Variants in LRRTM4 observed in about 807,000 individuals in gnomAD.
LRRTM4 encodes the protein leucine rich repeat transmembrane neuronal 4.
Under a neutral mutation model 47.6 loss-of-function variants are expected in LRRTM4, and 25 were observed. The observed-to-expected ratio is 0.53, with a 90% CI of 0.38 to 0.73. The LOEUF (loss-of-function observed/expected upper bound fraction) is 0.73, where lower values mean the gene tolerates loss of function less well. LRRTM4 is among the 30% of genes least tolerant of loss of function. LRRTM4 has a pLI of 0.00. For synonymous variants in LRRTM4, 311 were observed against 269.5 expected (o/e 1.15, Z -1.51); for missense variants, 638 against 713.4 (o/e 0.89, Z 1.20).
intron 3 of LRRTM4, among the ~76,000 whole-genome samples, chr2:77,440,010 T>C (rs780381851): frequency 2.0e-5 from 3 of 152,214 alleles, no homozygotes; most frequent in Non-Finnish European, 4.4e-5. Flanking sequence ...ATCTGTCTTA[T>C]CAAATAATTA....
intron 3 of LRRTM4, among the ~76,000 whole-genome samples, chr2:77,043,145 T>A (rs146914896): frequency 6.6e-6 from 1 of 151,794 alleles, no homozygotes; most frequent in Admixed American, 6.6e-5. Context: ...TTGTCTTTTG[T>A]ACGTATCTTT....
intron 3 of LRRTM4, among the ~76,000 whole-genome samples, chr2:77,314,223 T>C (rs1013820714): frequency 2.0e-5 from 3 of 152,226 alleles, no homozygotes; most frequent in South Asian, 4.1e-4. Context: ...TCCATAATTA[T>C]ATAACTCTTC....
rs1202421194 is a variant in LRRTM4, at chr2:76,953,235, CATG to C, written c.1552-204322_1552-204320del. 7.3e-5 allele frequency among the ~76,000 whole-genome samples: 11 copies of C among 151,464 alleles called. No individual in the cohort carries two copies. The East Asian group carries it at 1.8e-3, about 24-fold the overall frequency. On this transcript the variant is annotated intron_variant, in intron 3 of 3. Transcript: ENST00000409884. ...AACAAGAAGAGTTTATGGATGTCAC[CATG>C]ATAACACAATAGACTATTCCAGACC... is the stretch of plus-strand genomic sequence containing the variant.
intron 3 of LRRTM4, among the ~76,000 whole-genome samples, chr2:77,109,298 C>G (rs982918569): frequency 1.3e-5 from 2 of 151,852 alleles, no homozygotes; most frequent in African/African-American, 4.8e-5. Flanking sequence ...CACTGTAAAA[C>G]TTGTAAATAG....
At chr2:77,223,393 C>T (rs1166971957) in intron 3 of LRRTM4, among the ~76,000 whole-genome samples, 1 of 152,072 alleles carries the variant, frequency 6.6e-6, no homozygotes, top group Non-Finnish European at 1.5e-5. Flanking sequence ...AAAAGGCATT[C>T]AATTAGGAAA....
At chr2:77,441,393 G>T (rs186131640) in intron 3 of LRRTM4, among the ~76,000 whole-genome samples, 1 of 152,114 alleles carries the variant, frequency 6.6e-6, no homozygotes, top group South Asian at 2.1e-4. Flanking sequence ...TCCAGGTGTC[G>T]TGCCAAGCAC....
intron 3 of LRRTM4, among the ~76,000 whole-genome samples, chr2:76,877,034 G>C (rs1047290329): frequency 1.3e-5 from 2 of 151,920 alleles, no homozygotes; most frequent in African/African-American, 4.8e-5. Context: ...TATGAATGTG[G>C]GCATCTTTTC....
chr2:77,308,053 T>C (rs956437003), intron 3 of LRRTM4, among the ~76,000 whole-genome samples: 53 of 142,298 alleles, frequency 3.7e-4, no homozygotes, highest in Non-Finnish European at 6.2e-4. Flanking sequence ...TATAACATTA[T>C]ATATCTATAT....
chr2:76,750,709 G>A (rs76543253), intron 3 of LRRTM4, among the ~76,000 whole-genome samples: 8,793 of 152,166 alleles, frequency 0.058, 302 homozygotes, highest in Non-Finnish European at 0.073. Context: ...TGTTTACTAT[G>A]CAAGTTCCTC....
At chr2:76,873,743 G>A (rs1159993563) in intron 3 of LRRTM4, among the ~76,000 whole-genome samples, 2 of 151,276 alleles carry the variant, frequency 1.3e-5, no homozygotes, top group African/African-American at 4.9e-5. Context: ...AACTTCTACT[G>A]CTTGAAGTCA....
chr2:77,385,388 A>T (rs1673221012), intron 3 of LRRTM4, among the ~76,000 whole-genome samples: 1 of 152,120 alleles, frequency 6.6e-6, no homozygotes, highest in South Asian at 2.1e-4. Context: ...TTCCAAAGGG[A>T]TTTTCCAAGC....
chr2:76,919,377 A>T (rs986250351), intron 3 of LRRTM4, among the ~76,000 whole-genome samples: 8 of 152,162 alleles, frequency 5.3e-5, no homozygotes, highest in African/African-American at 1.9e-4. Flanking sequence ...ACAAAATTAA[A>T]AGAAAAATGA....
At chr2:77,409,828 G>A (rs1674351242) in intron 3 of LRRTM4, among the ~76,000 whole-genome samples, 1 of 152,132 alleles carries the variant, frequency 6.6e-6, no homozygotes, top group African/African-American at 2.4e-5. Context: ...AAAATAACAA[G>A]TATTTGCAAC....
At chr2:76,818,253 C>T (rs953152315) in intron 3 of LRRTM4, among the ~76,000 whole-genome samples, 2 of 151,858 alleles carry the variant, frequency 1.3e-5, no homozygotes, top group East Asian at 3.9e-4. Context: ...ATTCTGAAAA[C>T]ATGGTGTTTT....
rs778341524 is a variant in LRRTM4, at chr2:77,104,338, C to T, written c.1552-355422G>A. 3.9e-5 allele frequency among the ~76,000 whole-genome samples: 6 copies of T among 152,260 alleles called. No individual in the cohort carries two copies. In the East Asian group the frequency reaches 9.7e-4, roughly 25 times the overall value. On this transcript the variant is annotated intron_variant, in intron 3 of 3. Coordinates refer to ENST00000409884, the MANE Select transcript of LRRTM4 (RefSeq NM_001134745.3). ...TCTGTTTCTGTCCCTCGTCAATTCA[C>T]TCTCCACGTGGTGGTCAGAGTGACC...
At chr2:77,456,183 A>C (rs370769810) in intron 3 of LRRTM4, among the ~76,000 whole-genome samples, 4 of 152,318 alleles carry the variant, frequency 2.6e-5, no homozygotes, top group African/African-American at 9.6e-5. Flanking sequence ...ATTCCAAATG[A>C]ACACTCATTT....
intron 3 of LRRTM4, among the ~76,000 whole-genome samples, chr2:76,815,222 AACTTAG>A (rs1332868525): frequency 6.6e-6 from 1 of 152,120 alleles, no homozygotes; most frequent in East Asian, 1.9e-4. Context: ...GGCCCACTGA[AACTTAG>A]ACTAAATCTG....
intron 3 of LRRTM4, among the ~76,000 whole-genome samples, chr2:77,403,641 A>T (rs1674052855): frequency 6.6e-6 from 1 of 151,858 alleles, no homozygotes; most frequent in Non-Finnish European, 1.5e-5. Flanking sequence ...TGGGGCTGTG[A>T]TGTGGCAGGT....
In LRRTM4 at chr2:77,091,577, C is replaced by A. The variant is rs1374215297; in HGVS notation, c.1552-342661G>T. 7.0e-3 allele frequency among the ~76,000 whole-genome samples: 1,024 copies of A among 146,610 alleles called. 2 individuals carry two copies. The highest frequency in any genetic ancestry group is 0.026 in the African/African-American group (983 of 37,700). ...GTGCCAAACCCATATACTCTCCTAT[C>A]CTCAATACCTGCCTCTACAACCCAT... On this transcript the variant is annotated intron_variant, in intron 3 of 3. Transcript: ENST00000409884.
Sources: gnomAD v4.1 joint callset for allele counts (sites outside exome capture counted in the v4.1 genomes callset) on GRCh38, gnomAD v4.1.1 for gene constraint, MANE v1.5 for transcripts, NCBI Gene and HGNC (gene_info 2026-07-23, HGNC 2026-07-21) for gene names.